The following SIN3A variants were observed in gnomAD, a reference collection of about 807,000 sequenced individuals.
The protein encoded by SIN3A is paired amphipathic helix protein Sin3a.
In SIN3A, 14 loss-of-function variants were observed where a neutral mutation model predicts 146.1. The ratio of observed to expected loss-of-function variants is 0.10; its 90% CI spans 0.06 to 0.15. SIN3A has a LOEUF of 0.15. Among genes scored for constraint, SIN3A ranks in the 10% least tolerant of loss-of-function variants. SIN3A has a pLI of 1.00. For synonymous variants in SIN3A, 572 were observed against 572.0 expected, an observed-to-expected ratio of 1.00 and a Z score of 0.00; for missense variants, 1,028 against 1,576.0, an observed-to-expected ratio of 0.65 and a Z score of 5.89.
intron 5 of SIN3A, 83 bp from the exon 6 acceptor site, chr15:75,411,826 T>C (rs1567368997): frequency 1.4e-6 from 2 of 1,409,632 alleles, no homozygotes; most frequent in East Asian, 4.6e-5. Flanking sequence ...AGAAACAAGG[T>C]GTCAACGTAT....
chr15:75,422,807 T>A lies in SIN3A; in HGVS notation c.206A>T (p.Gln69Leu). 6.2e-7 allele frequency: 1 copy of A among 1,613,220 alleles called. No individual in the cohort carries two copies. Among genetic ancestry groups the A allele is most frequent in the Non-Finnish European group, 8.5e-7 (1 of 1,179,186 alleles). Residue 69 changes from glutamine (Q) to leucine (L), a missense_variant, in exon 3 of 21, where the codon CAG becomes CTG. Physicochemically the swap from Gln to Leu is moderately radical, Grantham distance 113. Around this residue, in one of 9 missense-constraint regions of SIN3A, gnomAD observed 152 missense variants for 231.5 expected, o/e 0.66. Coordinates refer to ENST00000394947, the MANE Select transcript of SIN3A (RefSeq NM_001145358.2). ...AGCGGGCCCATGACTGCCGGAGCTC[T>A]GTGGCATGGCTGAAACCTGGGGTGA... ...TPSYQVSAMPQSSGSHGPAIA... is the reference protein window; with the variant it reads ...TPSYQVSAMPLSSGSHGPAIA...
chr15:75,376,986 C>T (rs2141372342), intron 19 of SIN3A, among the ~76,000 whole-genome samples: 1 of 151,984 alleles, frequency 6.6e-6, no homozygotes, highest in East Asian at 1.9e-4. Context: ...TTCAGGAGAT[C>T]TGTGAGATCA....
At chr15:75,452,821 C>T (rs1244795050), upstream of SIN3A, 2 of 152,324 alleles carry the variant, frequency 1.3e-5, no homozygotes, top group African/African-American at 4.8e-5. Context: ...ACATGCCACA[C>T]TCAGAGAATG....
Position 75,422,689 on chromosome 15 carries a change from T to C in SIN3A, c.324A>G (p.Pro108=), listed in dbSNP as rs1420002411. 5.0e-6 allele frequency: 8 copies of C among 1,614,196 alleles called. No homozygotes were observed. Among genetic ancestry groups the C allele is most frequent in the Non-Finnish European group, 6.8e-6 (8 of 1,180,040 alleles). The stretch of plus-strand genomic sequence containing the variant: ...GCTGCTGTCCCTGCACTGGTGCAAC[T>C]GGTGGGGCTGGATGAGCATGACTCT... ...VVQSHAHPAP[P]VAPVQGQQQF... Residue 108 remains proline (P), a synonymous_variant, in exon 3 of 21, where the codon CCA becomes CCG. Transcript: ENST00000394947.
At chr15:75,450,688 G>A (rs969884109) in intron 1 of SIN3A, among the ~76,000 whole-genome samples, 4 of 152,340 alleles carry the variant, frequency 2.6e-5, no homozygotes, top group Non-Finnish European at 5.9e-5. Flanking sequence ...CCCCCAGGCA[G>A]AAGGCATGAC....
rs746877736 is a variant in SIN3A, at chr15:75,392,345, T to C, written c.2748A>G (p.Gln916=). The change falls in exon 15 of 21, where the codon CAA becomes CAG. Residue 916 remains glutamine (Q), a synonymous_variant. Coordinates refer to ENST00000394947, the MANE Select transcript of SIN3A (RefSeq NM_001145358.2). ...LLRICSQAER[Q]IEEENREREW... ...CTCTCTCTCGGTTTTCTTCTTCAAT[T>C]TGCCGTTCGGCTTGGGAACAAATCC... 2 of 1,614,258 alleles carry C rather than the reference T, an allele frequency of 1.2e-6. No homozygotes were observed. Among genetic ancestry groups the C allele is most frequent in the Non-Finnish European group, 8.5e-7 (1 of 1,180,050 alleles).
chr15:75,445,254 G>A (rs955859296), intron 1 of SIN3A, among the ~76,000 whole-genome samples: 7 of 151,160 alleles, frequency 4.6e-5, no homozygotes, highest in South Asian at 4.2e-4. Flanking sequence ...TGGTGGTGGC[G>A]CCTGTGATCC....
intron 1 of SIN3A, among the ~76,000 whole-genome samples, chr15:75,434,068 G>C (rs920153572): frequency 6.6e-6 from 1 of 152,180 alleles, no homozygotes; most frequent in Non-Finnish European, 1.5e-5. Flanking sequence ...TCTGTCTCCA[G>C]AGCCTGGCTC....
intron 1 of SIN3A, among the ~76,000 whole-genome samples, chr15:75,435,660 T>C (rs1249116354): frequency 7.0e-6 from 1 of 143,286 alleles, no homozygotes; most frequent in Non-Finnish European, 1.5e-5. Flanking sequence ...ATGGCGCCAC[T>C]GCACTCCAGC....
chr15:75,376,956 C>G (rs1264710261), intron 19 of SIN3A, among the ~76,000 whole-genome samples: 2 of 151,722 alleles, frequency 1.3e-5, no homozygotes, highest in Non-Finnish European at 2.9e-5. Flanking sequence ...AGTTCTTTGT[C>G]CAAAGGGTCC....
intron 1 of SIN3A, among the ~76,000 whole-genome samples, chr15:75,450,153 G>C (rs1161827153): frequency 6.6e-6 from 1 of 151,716 alleles, no homozygotes; most frequent in Non-Finnish European, 1.5e-5. Context: ...AGAGATATCG[G>C]AGTATTTTAT....
chr15:75,373,344 C>A (rs2050638132), intron 20 of SIN3A, among the ~76,000 whole-genome samples: 1 of 152,156 alleles, frequency 6.6e-6, no homozygotes. Flanking sequence ...TGCCACTGCG[C>A]TTCCCTCAGT....
intron 1 of SIN3A, among the ~76,000 whole-genome samples, chr15:75,433,952 G>A (rs1028190460): frequency 6.6e-6 from 1 of 152,146 alleles, no homozygotes; most frequent in African/African-American, 2.4e-5. Context: ...TTATAAGCAA[G>A]GTGTTCTCTA....
At chr15:75,394,580 G>T in intron 14 of SIN3A, 100 bp downstream of exon 14, 1 of 921,836 alleles carries the variant, frequency 1.1e-6, no homozygotes, top group Non-Finnish European at 1.6e-6. Context: ...ACAGGTCTTA[G>T]AGAGTCTCAC....
At chr15:75,437,834 G>C (rs1357604553) in intron 1 of SIN3A, among the ~76,000 whole-genome samples, 1 of 152,156 alleles carries the variant, frequency 6.6e-6, no homozygotes. Flanking sequence ...ACTATGGAGA[G>C]AAGACTAAAT....
Position 75,396,778 on chromosome 15 carries a change from TACCACCACCGTCGCTGCTGCCGCC to T in SIN3A, c.1855-306_1855-283del, listed in dbSNP as rs2073313030. On this transcript the variant is annotated intron_variant, in intron 12 of 20. Coordinates refer to ENST00000394947, the MANE Select transcript of SIN3A (RefSeq NM_001145358.2). ...ATGAAGTTGGATAAATGGTAGTTAT[TACCACCACCGTCGCTGCTGCCGCC>T]ACCACCACCGTGTGCTTTGCTTAGG... Among the ~76,000 whole-genome samples the T allele has an allele frequency of 2.0e-5, 3 of 152,266 alleles. No individual in the cohort carries two copies. The South Asian group carries it at 6.2e-4, about 32-fold the overall frequency.
chr15:75,444,644 A>C (rs1366027024), intron 1 of SIN3A, among the ~76,000 whole-genome samples: 1 of 151,028 alleles, frequency 6.6e-6, no homozygotes, highest in East Asian at 2.0e-4. Flanking sequence ...CGAGGTGGGC[A>C]GACTGCTTGA....
chr15:75,444,123 G>T (rs187809869), intron 1 of SIN3A, among the ~76,000 whole-genome samples: 1 of 152,166 alleles, frequency 6.6e-6, no homozygotes, highest in South Asian at 2.1e-4. Context: ...ACATTGTTTC[G>T]ATGTACAAGT....
chr15:75,404,964 T>C (rs1229788390), intron 9 of SIN3A, among the ~76,000 whole-genome samples: 1 of 151,512 alleles, frequency 6.6e-6, no homozygotes, highest in Non-Finnish European at 1.5e-5. Flanking sequence ...GGCAAAACAT[T>C]GAGACCCCCT....
Sources: gnomAD v4.1 joint callset for allele counts (sites outside exome capture counted in the v4.1 genomes callset) on GRCh38, gnomAD v4.1.1 for gene constraint, gnomAD v4.1.1 regional missense constraint, MANE v1.5 for transcripts, NCBI Gene and HGNC (gene_info 2026-07-23, HGNC 2026-07-21) for gene names.